Variants in HDAC11 observed in about 807,000 individuals in gnomAD.
The protein encoded by HDAC11 is histone deacetylase 11.
A neutral mutation model predicts 41.1 loss-of-function variants in HDAC11; 23 were observed. The observed-to-expected ratio is 0.56, with a 90% CI of 0.40 to 0.79. The LOEUF (loss-of-function observed/expected upper bound fraction) is 0.79. Ranked by LOEUF, HDAC11 falls within the 30% of genes least tolerant of loss-of-function variation. The pLI, the probability that HDAC11 is intolerant of heterozygous loss-of-function variation, is 0.00. For synonymous variants in HDAC11, 187 were observed against 186.6 expected (o/e 1.00, Z -0.02); for missense variants, 402 against 477.3 (o/e 0.84, Z 1.47).
chr3:13,494,412 C>T (rs1215781184), intron 3 of HDAC11, among the ~76,000 whole-genome samples: 1 of 152,238 alleles, frequency 6.6e-6, no homozygotes, highest in Non-Finnish European at 1.5e-5. Context: ...ACCTTCCTTT[C>T]TCTGGGTCTG....
In HDAC11 at chr3:13,504,480, C is replaced by G; in HGVS notation, c.841C>G (p.Arg281Gly). The change falls in exon 10 of 10, where the codon CGG (arginine) becomes GGG (glycine). Residue 281 changes from arginine to glycine, a missense_variant. Transcript: ENST00000295757. ...LSISPAGIVK[R>G]DELVFRMVRG... The stretch of plus-strand genomic sequence containing the variant: ...CTTCCCCTAACAGGGCATCGTGAAG[C>G]GGGATGAGCTGGTGTTCCGGATGGT... The G allele has an allele frequency of 6.2e-7, 1 of 1,613,274 alleles. No homozygotes were observed. Among genetic ancestry groups the G allele is most frequent in the Non-Finnish European group, 8.5e-7 (1 of 1,179,992 alleles).
In HDAC11 at chr3:13,496,767, T is replaced by TC. The variant is rs754533859; in HGVS notation, c.291dup (p.Val98ArgfsTer70). The TC allele has an allele frequency of 1.8e-5, 29 of 1,597,974 alleles. No homozygotes were observed. The highest frequency in any genetic ancestry group is 1.9e-5 in the Non-Finnish European group (22 of 1,171,662). On this transcript the variant is annotated frameshift_variant, in exon 4 of 10. Coordinates refer to ENST00000295757, the MANE Select transcript of HDAC11 (RefSeq NM_024827.4). LOFTEE classifies it high-confidence loss of function. Reference sequence around the variant, plus strand: ...TTTGCTGTTGCTACCATCACAGAAATCCCCCCCGTTATCTTCCTCCCCAAC... The same window carrying TC: ...TTTGCTGTTGCTACCATCACAGAAATCCCCCCCCGTTATCTTCCTCCCCAAC...
intron 5 of HDAC11, among the ~76,000 whole-genome samples, chr3:13,499,850 G>A (rs1418667021): frequency 2.6e-5 from 4 of 152,190 alleles, no homozygotes; most frequent in Admixed American, 2.6e-4. Context: ...TAGAGGTTAA[G>A]AGCCTGGATC....
intron 3 of HDAC11, among the ~76,000 whole-genome samples, chr3:13,486,139 T>G (rs536681860): frequency 2.4e-4 from 36 of 152,002 alleles, no homozygotes; most frequent in African/African-American, 8.0e-4. Flanking sequence ...TGGTAGTGCA[T>G]GCCTGTAATC....
intron 5 of HDAC11, 34 bp downstream of exon 5, chr3:13,498,589 C>T: frequency 1.2e-6 from 2 of 1,611,446 alleles, no homozygotes; most frequent in Middle Eastern, 1.6e-4. Context: ...GAATGTCCAG[C>T]CCGGCTTGGT....
intron 3 of HDAC11, among the ~76,000 whole-genome samples, chr3:13,489,847 CATGTGTGAGCCACTGCGCCCAGCCAATT>C: frequency 6.6e-6 from 1 of 152,208 alleles, no homozygotes; most frequent in East Asian, 1.9e-4. Flanking sequence ...GGATTACAGG[CATGTGTGAGCCACTGCGCCCAGCCAATT>C]CTATTCATTT....
At chr3:13,494,964 C>G (rs1383908020) in intron 3 of HDAC11, among the ~76,000 whole-genome samples, 1 of 152,106 alleles carries the variant, frequency 6.6e-6, no homozygotes, top group Non-Finnish European at 1.5e-5. Context: ...CCATCACACC[C>G]ATCCCTGGCC....
In HDAC11 at chr3:13,481,240, C is replaced by A. The variant is rs755856518; in HGVS notation, c.3-6C>A. The A allele has an allele frequency of 6.2e-7, 1 of 1,611,362 alleles. No homozygotes were observed. The highest frequency in any genetic ancestry group is 1.3e-5 in the African/African-American group (1 of 74,944). The stretch of plus-strand genomic sequence containing the variant: ...AGCTGTGCGTCTGTCTTTTTCCACA[C>A]GGTAGGCTACACACAACCCAGCTGT... On this transcript the variant is annotated splice_polypyrimidine_tract_variant and splice_region_variant and intron_variant, in intron 1 of 9. Coordinates refer to ENST00000295757, the MANE Select transcript of HDAC11 (RefSeq NM_024827.4).
chr3:13,500,398 A>T (rs1450497530), intron 5 of HDAC11, among the ~76,000 whole-genome samples: 1 of 152,036 alleles, frequency 6.6e-6, no homozygotes, highest in Non-Finnish European at 1.5e-5. Flanking sequence ...TGGAGTGGGG[A>T]GCCACATGGA....
intron 5 of HDAC11, 22 bp from the exon 6 acceptor site, chr3:13,500,691 A>T: frequency 6.4e-7 from 1 of 1,568,450 alleles, no homozygotes; most frequent in South Asian, 1.2e-5. Flanking sequence ...TCTGAGCAGC[A>T]CCGCTCTCTG....
chr3:13,497,185 CTT>C (rs796174587), intron 4 of HDAC11, among the ~76,000 whole-genome samples: 1 of 145,786 alleles, frequency 6.9e-6, no homozygotes. Flanking sequence ...TTCTTTCTTT[CTT>C]TTTTTTTTTT....
chr3:13,486,240 T>C lies in HDAC11; in HGVS notation c.252+2676T>C, dbSNP rs573952603. 1.6e-3 allele frequency among the ~76,000 whole-genome samples: 219 copies of C among 134,842 alleles called. 2 individuals carry two copies. The highest frequency in any genetic ancestry group is 5.9e-3 in the African/African-American group (198 of 33,450). The allele number at this position is 134,842 out of a possible 152,430, so 88.5% of individuals were successfully genotyped here. ...CGAGATTGCGCCATTGCACTCCAGC[T>C]TGGGCAATAAGAGTGAAACTCCATC... On this transcript the variant is annotated intron_variant, in intron 3 of 9. Transcript: ENST00000295757.
intron 3 of HDAC11, among the ~76,000 whole-genome samples, chr3:13,494,492 TACAC>T (rs758716382): frequency 6.6e-6 from 1 of 152,166 alleles, no homozygotes; most frequent in African/African-American, 2.4e-5. Flanking sequence ...ACAAGACACA[TACAC>T]ACACATACAT....
chr3:13,493,373 T>G (rs1701952532), intron 3 of HDAC11, among the ~76,000 whole-genome samples: 1 of 152,208 alleles, frequency 6.6e-6, no homozygotes, highest in Non-Finnish European at 1.5e-5. Context: ...CTCTGTTTAT[T>G]TCTCACCTTG....
In HDAC11 at chr3:13,487,896, G is replaced by A. The variant is rs1701669137; in HGVS notation, c.252+4332G>A. 2.0e-5 allele frequency among the ~76,000 whole-genome samples: 3 copies of A among 152,024 alleles called. No individual in the cohort carries two copies. In the South Asian group the frequency reaches 6.2e-4, roughly 31 times the overall value. On this transcript the variant is annotated intron_variant, in intron 3 of 9. Transcript: ENST00000295757. Reference sequence around the variant, plus strand: ...GTGCTGAGTGTCGTGAAGAAAGGAAGGGACAGCAGAAAAGGGGTGGGGAGA... The same window carrying A: ...GTGCTGAGTGTCGTGAAGAAAGGAAAGGACAGCAGAAAAGGGGTGGGGAGA...
rs115506099 is a variant in HDAC11, at chr3:13,501,750, C to T, written c.490-121C>T. The T allele has an allele frequency of 1.1e-3, 949 of 844,254 alleles. 6 individuals are homozygous for T. Among genetic ancestry groups the T allele is most frequent in the Non-Finnish European group, 1.6e-3 (800 of 485,470 alleles). The allele number at this position is 844,254 out of a possible 1,614,324, so 52.3% of individuals were successfully genotyped here. On this transcript the variant is annotated intron_variant, in intron 6 of 9. Transcript: ENST00000295757. ...GGCAAGTGACATCTTTGCTGGGTGG[C>T]CTGATTACCCACAAGCATTAGGCCC...
chr3:13,485,667 A>G lies in HDAC11; in HGVS notation c.252+2103A>G, dbSNP rs559518386. 2.2e-4 allele frequency among the ~76,000 whole-genome samples: 34 copies of G among 152,328 alleles called. No individual in the cohort carries two copies. In the East Asian group the frequency reaches 6.4e-3, roughly 29 times the overall value. On this transcript the variant is annotated intron_variant, in intron 3 of 9. Coordinates refer to ENST00000295757, the MANE Select transcript of HDAC11 (RefSeq NM_024827.4). ...GCTGGGTGTAGTGGCATGCACTTGT[A>G]GTCCTAGCTACTTGGGAGCCTGAGG...
intron 9 of HDAC11, 47 bp from the exon 10 acceptor site, chr3:13,504,421 C>T (rs1482116092): frequency 6.2e-7 from 1 of 1,605,512 alleles, no homozygotes; most frequent in Non-Finnish European, 8.5e-7. Context: ...CTTCCTGACA[C>T]CATGGGGGTC....
chr3:13,504,491 G>A lies in HDAC11; in HGVS notation c.852G>A (p.Leu284=), dbSNP rs369967657. Residue 284 remains leucine, a synonymous_variant, in exon 10 of 10, where the codon CTG becomes CTA. Transcript: ENST00000295757. ...AGGGCATCGTGAAGCGGGATGAGCT[G>A]GTGTTCCGGATGGTCCGTGGCCGCC... ...SPAGIVKRDE[L]VFRMVRGRRV... is the part of the protein sequence containing the mutation. 44 of 1,613,270 alleles carry A rather than the reference G, an allele frequency of 2.7e-5. 1 individual carries two copies. In the Middle Eastern group the frequency reaches 4.9e-4, roughly 18 times the overall value.
Sources: gnomAD v4.1 joint callset for allele counts (sites outside exome capture counted in the v4.1 genomes callset) on GRCh38, gnomAD v4.1.1 for gene constraint, MANE v1.5 for transcripts, NCBI Gene and HGNC (gene_info 2026-07-23, HGNC 2026-07-21) for gene names.